Variants in PKNOX2 observed in about 807,000 individuals in gnomAD.
PKNOX2 encodes PBX/knotted 1 homeobox 2.
PKNOX2 carries 14 observed loss-of-function variants against 53.1 expected under a neutral mutation model. The ratio of observed to expected loss-of-function variants is 0.26; its 90% confidence interval spans 0.17 to 0.41. The LOEUF (loss-of-function observed/expected upper bound fraction) is 0.41. PKNOX2 is among the 10% of genes least tolerant of loss of function. The pLI, the probability that PKNOX2 is intolerant of heterozygous loss-of-function variation, is 1.00. For synonymous variants in PKNOX2, 257 were observed against 242.8 expected (o/e 1.06, Z -0.54); for missense variants, 496 against 602.8 (o/e 0.82, Z 1.85).
rs778017645 is a variant in PKNOX2, at chr11:125,410,199, C to T, written c.592C>T (p.Leu198Phe). The T allele has an allele frequency of 2.4e-5, 39 of 1,613,944 alleles. No homozygotes were observed. Among genetic ancestry groups the T allele is most frequent in the Non-Finnish European group, 3.2e-5 (38 of 1,179,934 alleles). The change falls in exon 8 of 13, where the codon CTC (leucine) becomes TTC (phenylalanine). Residue 198 changes from leucine to phenylalanine, a missense_variant. Physicochemically the swap from Leu to Phe is conservative, Grantham distance 22 (BLOSUM62 0). Around this residue, in one of 5 missense-constraint regions of PKNOX2, gnomAD observed 141 missense variants for 143.9 expected, o/e 0.98. Coordinates refer to ENST00000298282, the MANE Select transcript of PKNOX2 (RefSeq NM_001382323.2). Reference sequence around the variant, plus strand: ...ACCACGCCTCCCTCACTGCCAGGACCTCCTGCAGAATTCCCCCAATTCCAT... The same window carrying T: ...ACCACGCCTCCCTCACTGCCAGGACTTCCTGCAGAATTCCCCCAATTCCAT... ...QPSINLHSQDLLQNSPNSMSG... is the reference protein window; with the variant it reads ...QPSINLHSQDFLQNSPNSMSG...
intron 12 of PKNOX2, 49 bp downstream of exon 12, chr11:125,430,190 TG>T: frequency 6.3e-7 from 1 of 1,584,350 alleles, no homozygotes; most frequent in Non-Finnish European, 8.6e-7. Flanking sequence ...GGGGTGCTCC[TG>T]GAGCTTCTTC....
At chr11:125,391,273 CAAATG>C (rs995514550) in intron 6 of PKNOX2, among the ~76,000 whole-genome samples, 1 of 152,142 alleles carries the variant, frequency 6.6e-6, no homozygotes, top group African/African-American at 2.4e-5. Context: ...TGACGAGACT[CAAATG>C]AGATAATGGA....
intron 1 of PKNOX2, among the ~76,000 whole-genome samples, chr11:125,196,856 C>T (rs1937755022): frequency 6.6e-6 from 1 of 152,196 alleles, no homozygotes; most frequent in African/African-American, 2.4e-5. Flanking sequence ...GGGTCCTCTC[C>T]TCATGAGCAG....
At chr11:125,273,209 C>T (rs1945928206) in intron 2 of PKNOX2, among the ~76,000 whole-genome samples, 1 of 152,178 alleles carries the variant, frequency 6.6e-6, no homozygotes, top group Non-Finnish European at 1.5e-5. Flanking sequence ...CTGTGCTTCT[C>T]GCCACTTGAA....
intron 7 of PKNOX2, among the ~76,000 whole-genome samples, chr11:125,406,554 T>C (rs774987687): frequency 1.1e-4 from 16 of 152,162 alleles, no homozygotes; most frequent in Non-Finnish European, 1.9e-4. Context: ...AAATAAATTA[T>C]TGGATGGCTA....
intron 1 of PKNOX2, among the ~76,000 whole-genome samples, chr11:125,186,050 T>C (rs1197844518): frequency 4.5e-5 from 2 of 44,620 alleles, no homozygotes; most frequent in Non-Finnish European, 9.9e-5. Context: ...TTATTCTCTG[T>C]TTTTTTTTTA....
At chr11:125,337,808 G>A (rs955451346) in intron 3 of PKNOX2, among the ~76,000 whole-genome samples, 1 of 152,146 alleles carries the variant, frequency 6.6e-6, no homozygotes, top group Non-Finnish European at 1.5e-5. Flanking sequence ...AATGAGGCCT[G>A]GATTTGCTAC....
At chr11:125,403,902 C>T (rs765629969) in intron 7 of PKNOX2, among the ~76,000 whole-genome samples, 39 of 152,164 alleles carry the variant, frequency 2.6e-4, no homozygotes, top group African/African-American at 5.3e-4. Flanking sequence ...TGCAGCTCTG[C>T]GCCTCCCCAG....
chr11:125,322,618 G>A (rs75735065), intron 2 of PKNOX2, among the ~76,000 whole-genome samples: 7,603 of 152,220 alleles, frequency 0.05, 254 homozygotes, highest in African/African-American at 0.1. Context: ...AACTCCCCAT[G>A]GATGATGACA....
intron 1 of PKNOX2, among the ~76,000 whole-genome samples, chr11:125,229,809 A>G (rs1942046360): frequency 6.6e-6 from 1 of 152,174 alleles, no homozygotes; most frequent in South Asian, 2.1e-4. Context: ...GCCCACCCTC[A>G]TGCTCGAGGG....
At chr11:125,401,476 A>AG (rs35486987) in intron 7 of PKNOX2, among the ~76,000 whole-genome samples, 3,878 of 152,244 alleles carry the variant, frequency 0.025, 118 homozygotes, top group East Asian at 0.079. Flanking sequence ...CTCAGGCTTC[A>AG]GGGGTAAATA....
chr11:125,402,376 G>A (rs1197502481), intron 7 of PKNOX2, among the ~76,000 whole-genome samples: 1 of 152,154 alleles, frequency 6.6e-6, no homozygotes, highest in African/African-American at 2.4e-5. Flanking sequence ...TTCCTAGAGG[G>A]CGCAAATGGA....
intron 6 of PKNOX2, among the ~76,000 whole-genome samples, chr11:125,392,661 A>G (rs1414588281): frequency 6.6e-6 from 1 of 152,060 alleles, no homozygotes; most frequent in East Asian, 1.9e-4. Flanking sequence ...ACTTACCTGT[A>G]TTTTCTGATT....
intron 7 of PKNOX2, among the ~76,000 whole-genome samples, chr11:125,407,519 C>T (rs534325109): frequency 4.6e-5 from 7 of 152,300 alleles, no homozygotes; most frequent in African/African-American, 1.4e-4. Context: ...GAGGCACAGG[C>T]TAGCATGGAT....
chr11:125,320,336 T>G (rs1949449843), intron 2 of PKNOX2, among the ~76,000 whole-genome samples: 1 of 152,154 alleles, frequency 6.6e-6, no homozygotes, highest in Admixed American at 6.5e-5. Context: ...GACCCAGGAC[T>G]GAGATGTACA....
At chr11:125,209,128 T>C (rs1433004884) in intron 1 of PKNOX2, among the ~76,000 whole-genome samples, 1 of 152,124 alleles carries the variant, frequency 6.6e-6, no homozygotes, top group Non-Finnish European at 1.5e-5. Context: ...TAAATCCATC[T>C]TATGAATTAC....
intron 2 of PKNOX2, among the ~76,000 whole-genome samples, chr11:125,278,478 C>T (rs1260699382): frequency 1.3e-5 from 2 of 152,174 alleles, no homozygotes; most frequent in Non-Finnish European, 2.9e-5. Flanking sequence ...AGTGCATCAG[C>T]TAGGACCCTC....
chr11:125,368,801 C>T (rs1263616827), intron 5 of PKNOX2, among the ~76,000 whole-genome samples: 1 of 152,166 alleles, frequency 6.6e-6, no homozygotes, highest in Non-Finnish European at 1.5e-5. Flanking sequence ...ATGCTGTCAC[C>T]TGAGAACAGG....
At chr11:125,400,888 C>T (rs1022216552) in intron 7 of PKNOX2, among the ~76,000 whole-genome samples, 1 of 152,140 alleles carries the variant, frequency 6.6e-6, no homozygotes, top group Non-Finnish European at 1.5e-5. Context: ...CACCAAATCA[C>T]CTTATTATAG....
Sources: allele counts gnomAD v4.1 joint callset (sites outside exome capture counted in the v4.1 genomes callset), GRCh38; gene constraint gnomAD v4.1.1; regional missense constraint gnomAD v4.1.1; transcripts MANE v1.5; gene names NCBI Gene and HGNC (gene_info 2026-07-23, HGNC 2026-07-21).